Variants in SLC23A2 observed in about 807,000 individuals in gnomAD.
SLC23A2 encodes the protein Na(+)/L-ascorbic acid transporter 2.
Under a neutral mutation model 73.3 loss-of-function variants are expected in SLC23A2, and 36 were observed. The ratio of observed to expected loss-of-function variants is 0.49; its 90% CI spans 0.38 to 0.65. The LOEUF (loss-of-function observed/expected upper bound fraction) is 0.65, where lower values mean the gene tolerates loss of function less well. Among genes scored for constraint, SLC23A2 ranks in the 30% least tolerant of loss-of-function variants. SLC23A2 has a pLI of 0.00. For missense variants in SLC23A2, 507 were observed against 841.6 expected (o/e 0.60, Z 4.92); for synonymous variants, 343 against 327.3 (o/e 1.05, Z -0.52).
chr20:4,869,470 ATC>A (rs369438984), intron 12 of SLC23A2: 2,123 of 146,084 alleles, frequency 0.015, 55 homozygotes, highest in African/African-American at 0.054. Context: ...AGTGCTCTCT[ATC>A]TCTCTCTCTC....
intron 1 of SLC23A2, among the ~76,000 whole-genome samples, chr20:5,008,549 A>C (rs2088215197): frequency 6.6e-6 from 1 of 151,696 alleles, no homozygotes; most frequent in Admixed American, 6.6e-5. Flanking sequence ...TCCTTACCTA[A>C]CCATTCTCCC....
intron 2 of SLC23A2, among the ~76,000 whole-genome samples, chr20:4,945,704 A>G (rs2087109997): frequency 1.3e-5 from 2 of 152,212 alleles, no homozygotes; most frequent in African/African-American, 4.8e-5. Flanking sequence ...TTCAGAGCAT[A>G]TCTCAAAAGA....
chr20:4,881,807 C>G (rs1192987130), intron 9 of SLC23A2, among the ~76,000 whole-genome samples: 1 of 152,164 alleles, frequency 6.6e-6, no homozygotes, highest in Non-Finnish European at 1.5e-5. Flanking sequence ...TGGTGCTGTT[C>G]TTGCCATCAT....
chr20:4,967,182 T>C (rs976802951), intron 2 of SLC23A2, among the ~76,000 whole-genome samples: 1 of 152,208 alleles, frequency 6.6e-6, no homozygotes, highest in African/African-American at 2.4e-5. Flanking sequence ...AAAGGCTTTA[T>C]TGCTATTGAT....
intron 9 of SLC23A2, among the ~76,000 whole-genome samples, chr20:4,877,166 T>TATAAATAA (rs556351654): frequency 2.0e-5 from 3 of 151,908 alleles, no homozygotes; most frequent in East Asian, 3.9e-4. Flanking sequence ...TATAATAAAA[T>TATAAATAA]ATAAATAAAT....
At chr20:4,885,020 T>G (rs947796110) in intron 7 of SLC23A2, among the ~76,000 whole-genome samples, 197 bp from the exon 8 acceptor site, 1 of 152,198 alleles carries the variant, frequency 6.6e-6, no homozygotes, top group Admixed American at 6.5e-5. Context: ...CCAAATGAAT[T>G]CATCGACTAA....
intron 4 of SLC23A2, among the ~76,000 whole-genome samples, chr20:4,909,540 C>T (rs1042807164): frequency 6.6e-6 from 1 of 151,910 alleles, no homozygotes; most frequent in Non-Finnish European, 1.5e-5. Context: ...AGAGAATCCA[C>T]AGGGATCAAG....
At position 4,932,644 on chromosome 20, in the gene SLC23A2, G is replaced by C; in HGVS notation, c.-82C>G. 1.2e-6 allele frequency: 1 copy of C among 812,104 alleles called. No individual in the cohort carries two copies. The highest frequency in any genetic ancestry group is 2.2e-6 in the Non-Finnish European group (1 of 459,296). 50.3% of individuals were successfully genotyped at this position (812,104 alleles called of 1,614,324 possible). On this transcript the variant is annotated 5_prime_UTR_variant, in exon 3 of 17. Coordinates refer to ENST00000338244, the MANE Select transcript of SLC23A2 (RefSeq NM_005116.6). ...TATTCAAGCTAGGAGCCCAGGATCA[G>C]CCGGCTCTTCTAGTGCCTGGAGCCC... is the stretch of plus-strand genomic sequence containing the variant.
chr20:4,858,481 T>C (rs1312732487), intron 16 of SLC23A2, among the ~76,000 whole-genome samples: 5 of 152,216 alleles, frequency 3.3e-5, no homozygotes, highest in African/African-American at 4.8e-5. Context: ...TCTATTTGTG[T>C]GTGTGATTCC....
intron 4 of SLC23A2, among the ~76,000 whole-genome samples, chr20:4,907,978 A>T (rs1344046640): frequency 2.6e-5 from 4 of 152,178 alleles, no homozygotes; most frequent in Non-Finnish European, 4.4e-5. Context: ...GAGGAGCACA[A>T]GGAAGAACAG....
chr20:4,992,047 T>G (rs1600213312), intron 1 of SLC23A2, among the ~76,000 whole-genome samples: 2 of 151,898 alleles, frequency 1.3e-5, no homozygotes, highest in South Asian at 4.2e-4. Flanking sequence ...GAGGCAGAGG[T>G]TGCAGTGAGC....
At chr20:5,005,000 A>AAAATAAATAAATAAAT (rs11474342), upstream of SLC23A2, among the ~76,000 whole-genome samples, 44 of 143,394 alleles carry the variant, frequency 3.1e-4, no homozygotes, top group South Asian at 8.8e-4. Flanking sequence ...CTCCGTCTCA[A>AAAATAAATAAATAAAT]AAATAAATAA....
intron 13 of SLC23A2, among the ~76,000 whole-genome samples, chr20:4,866,709 C>G (rs557982223): frequency 1.3e-5 from 2 of 152,310 alleles, no homozygotes; most frequent in South Asian, 4.1e-4. Context: ...GATTTGCAAT[C>G]AAGGTTAATC....
chr20:4,859,308 G>T lies in SLC23A2; in HGVS notation c.1701C>A (p.Ile567=). ...ACGTACCTGGGATGGTGTTATCCAG[G>T]ATAAAAGCCACACAGCCCCCTACAA... is the stretch of plus-strand genomic sequence containing the variant. ...AMFVGGCVAF[I]LDNTIPGTPE... is the part of the protein sequence containing the mutation. Residue 567 remains isoleucine, a synonymous_variant, in exon 16 of 17, where the codon ATC becomes ATA. Transcript: ENST00000338244. 6.2e-7 allele frequency: 1 copy of T among 1,608,572 alleles called. No homozygotes were observed. The highest frequency in any genetic ancestry group is 8.5e-7 in the Non-Finnish European group (1 of 1,175,528).
intron 13 of SLC23A2, among the ~76,000 whole-genome samples, chr20:4,866,618 C>T (rs1436664932): frequency 2.0e-5 from 3 of 152,264 alleles, no homozygotes; most frequent in Non-Finnish European, 4.4e-5. Flanking sequence ...AGGCTGAGCT[C>T]TGGCAGGGCC....
intron 1 of SLC23A2, among the ~76,000 whole-genome samples, chr20:4,979,989 C>T (rs542939159): frequency 6.6e-6 from 1 of 150,562 alleles, no homozygotes; most frequent in African/African-American, 2.4e-5. Context: ...GCAAAAAAAA[C>T]CACAATAAGC....
rs532382884 is a variant in SLC23A2 at position 4,857,267 on chromosome 20, A to G, written c.1721-63T>C. The G allele has an allele frequency of 8.6e-5, 68 of 787,374 alleles. No homozygotes were observed. Among genetic ancestry groups the G allele is most frequent in the Admixed American group, 1.4e-4 (6 of 43,240 alleles). 48.8% of individuals were successfully genotyped at this position (787,374 alleles called of 1,614,324 possible). On this transcript the variant is annotated intron_variant, in intron 16 of 16. Transcript: ENST00000338244. The surrounding 1 kb of genome is among the most constrained non-coding windows in gnomAD (Gnocchi z 4.0). ...GTTTAGCAGCTCTACTGAAAATGAAACTGTCGTCAAACACATACACACACA... is the reference window on the plus strand; with the variant it reads ...GTTTAGCAGCTCTACTGAAAATGAAGCTGTCGTCAAACACATACACACACA...
intron 4 of SLC23A2, among the ~76,000 whole-genome samples, chr20:4,908,549 G>A (rs1459311546): frequency 6.6e-6 from 1 of 152,206 alleles, no homozygotes; most frequent in East Asian, 1.9e-4. Context: ...AAAGCTTGTA[G>A]ATATTAAATA....
chr20:4,882,451 G>C (rs1193758027), intron 9 of SLC23A2, among the ~76,000 whole-genome samples: 2 of 139,844 alleles, frequency 1.4e-5, no homozygotes, highest in Non-Finnish European at 3.2e-5. Flanking sequence ...TTCAAACCTT[G>C]TTTAAAGAAA....
Sources: gnomAD v4.1 joint callset for allele counts (sites outside exome capture counted in the v4.1 genomes callset) on GRCh38, gnomAD v4.1.1 for gene constraint, Gnocchi (gnomAD v3.1) non-coding constraint, MANE v1.5 for transcripts, NCBI Gene and HGNC (gene_info 2026-07-23, HGNC 2026-07-21) for gene names.